PTPN4: variants seen among roughly 807,000 people sequenced by gnomAD.
PTPN4 encodes tyrosine-protein phosphatase non-receptor type 4.
A neutral mutation model predicts 135.5 loss-of-function variants in PTPN4; 49 were observed. The observed-to-expected ratio is 0.36, with a 90% confidence interval of 0.29 to 0.46. The LOEUF (loss-of-function observed/expected upper bound fraction) is 0.46. PTPN4 is among the 20% of genes least tolerant of loss of function. The pLI is 1.00. For missense variants in PTPN4, 860 were observed against 1,101.0 expected (o/e 0.78, Z 3.10); for synonymous variants, 333 against 369.9 (o/e 0.90, Z 1.14).
chr2:119,833,003 G>A (rs1006152263), intron 2 of PTPN4, among the ~76,000 whole-genome samples: 2 of 152,148 alleles, frequency 1.3e-5, no homozygotes, highest in Admixed American at 6.5e-5. Flanking sequence ...TGATTTTTAT[G>A]TGTGAGATTT....
chr2:119,848,810 AG>A (rs1174354344), intron 2 of PTPN4, among the ~76,000 whole-genome samples: 1 of 151,778 alleles, frequency 6.6e-6, no homozygotes, highest in African/African-American at 2.4e-5. Context: ...AATGTTGGTC[AG>A]GCTGGTCTCA....
chr2:119,974,409 A>C (rs988971763), intron 26 of PTPN4, among the ~76,000 whole-genome samples: 1 of 152,098 alleles, frequency 6.6e-6, no homozygotes, highest in African/African-American at 2.4e-5. Context: ...GGGTTTCTCC[A>C]TGTTGGTCAG....
intron 1 of PTPN4, among the ~76,000 whole-genome samples, chr2:119,772,646 T>A (rs1214378084): frequency 6.6e-6 from 1 of 152,224 alleles, no homozygotes; most frequent in Non-Finnish European, 1.5e-5. Flanking sequence ...CCAGTGATTC[T>A]CCTGCCTCAG....
chr2:119,858,322 C>A (rs1005482465), intron 2 of PTPN4, among the ~76,000 whole-genome samples: 1 of 151,998 alleles, frequency 6.6e-6, no homozygotes, highest in African/African-American at 2.4e-5. Context: ...TTGGTAATTT[C>A]TTTTTTTAAG....
intron 13 of PTPN4, among the ~76,000 whole-genome samples, chr2:119,929,342 GTTC>G (rs1203285696): frequency 6.6e-6 from 1 of 151,924 alleles, no homozygotes; most frequent in Non-Finnish European, 1.5e-5. Context: ...ATAACCTAGA[GTTC>G]TTTTTTTTTC....
intron 2 of PTPN4, among the ~76,000 whole-genome samples, chr2:119,813,784 A>G (rs575729847): frequency 6.6e-6 from 1 of 152,268 alleles, no homozygotes; most frequent in South Asian, 2.1e-4. Flanking sequence ...GTCTGCCAAT[A>G]TGGCATCCTG....
chr2:119,780,458 G>C (rs1444983566), intron 1 of PTPN4, among the ~76,000 whole-genome samples: 1 of 152,142 alleles, frequency 6.6e-6, no homozygotes, highest in African/African-American at 2.4e-5. Flanking sequence ...ATTGGATCAA[G>C]AGCTACACAT....
intron 2 of PTPN4, among the ~76,000 whole-genome samples, chr2:119,828,983 T>TC (rs1558738080): frequency 6.6e-6 from 1 of 152,246 alleles, no homozygotes; most frequent in South Asian, 2.1e-4. Context: ...CTGAAAGCTT[T>TC]CCCCTGAAAC....
chr2:119,770,376 G>A (rs185360312), intron 1 of PTPN4, among the ~76,000 whole-genome samples: 6 of 152,158 alleles, frequency 3.9e-5, no homozygotes, highest in East Asian at 3.9e-4. Context: ...TTGTATTTTC[G>A]TATTTGAATT....
intron 2 of PTPN4, among the ~76,000 whole-genome samples, chr2:119,862,083 A>G (rs548547516): frequency 1.3e-5 from 2 of 152,224 alleles, no homozygotes; most frequent in Non-Finnish European, 2.9e-5. Context: ...ACAAAATGAT[A>G]TAGATATATG....
chr2:119,830,666 C>T (rs576133344), intron 2 of PTPN4, among the ~76,000 whole-genome samples: 3 of 152,116 alleles, frequency 2.0e-5, no homozygotes, highest in African/African-American at 4.8e-5. Context: ...CGGGGTTTCA[C>T]CATGTTGGCC....
chr2:119,890,915 T>A (rs1213641249), intron 9 of PTPN4, among the ~76,000 whole-genome samples: 1 of 152,228 alleles, frequency 6.6e-6, no homozygotes, highest in East Asian at 1.9e-4. Flanking sequence ...TATATCATTC[T>A]ATTGTCTTCC....
At chr2:119,960,691 G>T in intron 22 of PTPN4, 116 bp from the exon 23 acceptor site, 1 of 846,134 alleles carries the variant, frequency 1.2e-6, no homozygotes, top group East Asian at 3.0e-5. Context: ...TTTTACTGAC[G>T]GCAGTTTATT....
chr2:119,840,253 C>A (rs535493969), intron 2 of PTPN4, among the ~76,000 whole-genome samples: 3 of 152,282 alleles, frequency 2.0e-5, no homozygotes, highest in South Asian at 4.2e-4. Context: ...TTGATACTCT[C>A]CTTCCTCCCA....
intron 1 of PTPN4, among the ~76,000 whole-genome samples, chr2:119,762,307 C>G (rs1375208735): frequency 6.6e-6 from 1 of 151,276 alleles, no homozygotes; most frequent in Non-Finnish European, 1.5e-5. Flanking sequence ...GATAGTAATA[C>G]AATTTACGTG....
intron 2 of PTPN4, among the ~76,000 whole-genome samples, chr2:119,811,586 A>G: frequency 6.6e-6 from 1 of 152,206 alleles, no homozygotes. Context: ...CATGTATTAG[A>G]CAGTTGATGT....
chr2:119,782,236 G>C (rs1690952536), intron 1 of PTPN4, among the ~76,000 whole-genome samples: 1 of 152,062 alleles, frequency 6.6e-6, no homozygotes. Context: ...GGCCAACATG[G>C]TGAAACCCCG....
chr2:119,913,516 G>A lies in PTPN4; in HGVS notation c.765-1663G>A, dbSNP rs544456759. ...TTTTAAAAATCAATCTGAGCCAGAT[G>A]CAGTGGCACACACCTATAGTCCCAG... On this transcript the variant is annotated intron_variant, in intron 10 of 26. Transcript: ENST00000263708. Among the ~76,000 whole-genome samples, 337 of 152,252 alleles carry A rather than the reference G, an allele frequency of 2.2e-3. 2 individuals carry two copies. The highest frequency in any genetic ancestry group is 4.1e-3 in the Non-Finnish European group (277 of 68,004).
chr2:119,823,829 C>T (rs1677106612), intron 2 of PTPN4, among the ~76,000 whole-genome samples: 2 of 152,180 alleles, frequency 1.3e-5, no homozygotes, highest in Non-Finnish European at 2.9e-5. Flanking sequence ...CATGACTTCC[C>T]TCGCTAGCTT....
Sources: allele counts gnomAD v4.1 joint callset (sites outside exome capture counted in the v4.1 genomes callset), GRCh38; gene constraint gnomAD v4.1.1; transcripts MANE v1.5; gene names NCBI Gene and HGNC (gene_info 2026-07-23, HGNC 2026-07-21).